The following AMMECR1 variants were observed in gnomAD, a reference collection of about 807,000 sequenced individuals.
AMMECR1 encodes the protein AMMECR nuclear protein 1.
A neutral mutation model predicts 22.5 loss-of-function variants in AMMECR1; 3 were observed. The ratio of observed to expected loss-of-function variants is 0.13; its 90% CI spans 0.06 to 0.35. AMMECR1 has a LOEUF of 0.35. AMMECR1 is among the 10% of genes least tolerant of loss of function. The pLI is 1.00. For synonymous variants in AMMECR1, 130 were observed against 116.7 expected, an observed-to-expected ratio of 1.11 and a Z score of -0.74; for missense variants, 235 against 278.7, an observed-to-expected ratio of 0.84 and a Z score of 1.12.
intron 2 of AMMECR1, among the ~76,000 whole-genome samples, chrX:110,373,544 A>G (rs2068354398): frequency 8.9e-6 from 1 of 112,293 alleles, no homozygotes; most frequent in Non-Finnish European, 1.9e-5. Context: ...CATGCAAAAA[A>G]ATGATAAAGC....
intron 2 of AMMECR1, among the ~76,000 whole-genome samples, chrX:110,234,892 T>G (rs1163103538): frequency 4.5e-5 from 5 of 111,767 alleles, no homozygotes; most frequent in South Asian, 3.7e-4. Context: ...AGAAAACCTA[T>G]GCAATACCAT....
intron 2 of AMMECR1, among the ~76,000 whole-genome samples, chrX:110,323,813 ACT>A (rs903904856): frequency 9.0e-6 from 1 of 111,269 alleles, no homozygotes; most frequent in Non-Finnish European, 1.9e-5. Flanking sequence ...TTATATTATA[ACT>A]CTGTACTTAA....
At chrX:110,313,551 C>A (rs1285334271) in intron 1 of AMMECR1, among the ~76,000 whole-genome samples, 1 of 112,054 alleles carries the variant, frequency 8.9e-6, no homozygotes, top group Non-Finnish European at 1.9e-5. Flanking sequence ...AATCTTTTCA[C>A]AATACTTTAG....
At chrX:110,234,812 C>G (rs2067591494) in intron 2 of AMMECR1, among the ~76,000 whole-genome samples, 1 of 111,787 alleles carries the variant, frequency 8.9e-6, no homozygotes, top group Admixed American at 9.5e-5. Context: ...TTCCTTACAC[C>G]TTATACAAAA....
intron 3 of AMMECR1, among the ~76,000 whole-genome samples, chrX:110,215,638 T>C (rs1224133170): frequency 1.8e-5 from 2 of 112,199 alleles, no homozygotes; most frequent in Non-Finnish European, 3.8e-5. Flanking sequence ...TGAGTTCCCA[T>C]TGTTTCATTC....
chrX:110,287,290 C>T (rs2067885367), intron 1 of AMMECR1, among the ~76,000 whole-genome samples: 1 of 112,187 alleles, frequency 8.9e-6, no homozygotes, highest in South Asian at 3.7e-4. Flanking sequence ...GAGGAGGAGT[C>T]GTTGAATCAG....
chrX:110,408,895 C>G (rs934687219), intron 2 of AMMECR1, among the ~76,000 whole-genome samples: 3 of 111,868 alleles, frequency 2.7e-5, no homozygotes, highest in Non-Finnish European at 5.6e-5. Context: ...TCTTTTTGAA[C>G]TTATGCGTGT....
At position 110,218,957 on chromosome X, in the gene AMMECR1, G is replaced by T. The variant is rs750664181; in HGVS notation, c.585-2325C>A. 1.9e-3 allele frequency among the ~76,000 whole-genome samples: 213 copies of T among 111,648 alleles called. 1 individual carries two copies. The highest frequency in any genetic ancestry group is 6.7e-3 in the African/African-American group (207 of 30,852). On this transcript the variant is annotated intron_variant, in intron 2 of 5. Transcript: ENST00000262844. ...ATATTTTTGAGATTTCATCCATGTTGTAGCATGTATCAGTACTTCATTCTT... is the reference window on the plus strand; with the variant it reads ...ATATTTTTGAGATTTCATCCATGTTTTAGCATGTATCAGTACTTCATTCTT...
intron 2 of AMMECR1, among the ~76,000 whole-genome samples, chrX:110,345,609 C>T (rs1443616588): frequency 9.1e-6 from 1 of 110,488 alleles, no homozygotes; most frequent in Non-Finnish European, 1.9e-5. Context: ...AGCTGTAAAA[C>T]TACCTACTGG....
At chrX:110,370,960 T>G (rs1381146599) in intron 2 of AMMECR1, among the ~76,000 whole-genome samples, 2 of 112,174 alleles carry the variant, frequency 1.8e-5, no homozygotes, top group African/African-American at 6.5e-5. Context: ...GCCTGACAAT[T>G]TAATCAAACT....
At chrX:110,280,677 G>T (rs1178270113) in intron 1 of AMMECR1, among the ~76,000 whole-genome samples, 2 of 111,439 alleles carry the variant, frequency 1.8e-5, no homozygotes, top group East Asian at 5.6e-4. Flanking sequence ...CAAAGAAAAT[G>T]AAAATGTATA....
chrX:110,211,626 G>A (rs926234935), intron 3 of AMMECR1, among the ~76,000 whole-genome samples: 1 of 112,471 alleles, frequency 8.9e-6, no homozygotes, highest in Non-Finnish European at 1.9e-5. Flanking sequence ...ATGAGTTTCC[G>A]TGTTCAAACA....
At chrX:110,316,275 A>G (rs2068047262) in intron 1 of AMMECR1, among the ~76,000 whole-genome samples, 1 of 112,127 alleles carries the variant, frequency 8.9e-6, no homozygotes, top group African/African-American at 3.2e-5. Context: ...CTAGGCAGAA[A>G]TGTTTATACT....
chrX:110,252,482 T>A (rs1001501588), intron 2 of AMMECR1, among the ~76,000 whole-genome samples: 4 of 111,344 alleles, frequency 3.6e-5, no homozygotes, highest in Non-Finnish European at 5.6e-5. Flanking sequence ...AATAGTCTAT[T>A]TTTGCGAGTA....
At chrX:110,333,233 A>G (rs1431897559) in intron 2 of AMMECR1, among the ~76,000 whole-genome samples, 1 of 112,027 alleles carries the variant, frequency 8.9e-6, no homozygotes, top group East Asian at 2.8e-4. Flanking sequence ...GGAAAGGTGA[A>G]AGGCTCAGAG....
intron 2 of AMMECR1, among the ~76,000 whole-genome samples, chrX:110,246,428 A>G (rs2067658696): frequency 8.9e-6 from 1 of 112,289 alleles, no homozygotes; most frequent in South Asian, 3.6e-4. Context: ...TTTAATCTTC[A>G]TTTCTCACTT....
chrX:110,365,556 T>C (rs757246467), intron 2 of AMMECR1, among the ~76,000 whole-genome samples: 9 of 111,993 alleles, frequency 8.0e-5, no homozygotes, highest in Non-Finnish European at 1.3e-4. Flanking sequence ...TAATAACTTT[T>C]GGGGAGAATG....
At chrX:110,240,088 A>G (rs1011024958) in intron 2 of AMMECR1, among the ~76,000 whole-genome samples, 3 of 111,502 alleles carry the variant, frequency 2.7e-5, no homozygotes, top group African/African-American at 9.8e-5. Context: ...AACCGGTACC[A>G]GCCACCACAA....
intron 1 of AMMECR1, among the ~76,000 whole-genome samples, chrX:110,303,814 G>A (rs1299891922): frequency 8.9e-6 from 1 of 112,129 alleles, no homozygotes; most frequent in Non-Finnish European, 1.9e-5. Flanking sequence ...TGTTTCCTGA[G>A]TATACTGATA....
Sources: allele counts gnomAD v4.1 joint callset (sites outside exome capture counted in the v4.1 genomes callset), GRCh38; gene constraint gnomAD v4.1.1; transcripts MANE v1.5; gene names NCBI Gene and HGNC (gene_info 2026-07-23, HGNC 2026-07-21).